The following GRIN2B variants were observed in gnomAD, a reference collection of about 807,000 sequenced individuals.
The protein encoded by GRIN2B is glutamate receptor ionotropic, NMDA 2B.
A neutral mutation model predicts 114.5 loss-of-function variants in GRIN2B; 5 were observed. That is an observed-to-expected ratio of 0.04 (90% CI 0.02 to 0.09). The LOEUF (loss-of-function observed/expected upper bound fraction) is 0.09. Among genes scored for constraint, GRIN2B ranks in the 10% least tolerant of loss-of-function variants. The pLI, the probability that GRIN2B is intolerant of heterozygous loss-of-function variation, is 1.00. For synonymous variants in GRIN2B, 787 were observed against 745.1 expected (o/e 1.06, Z -0.92); for missense variants, 1,108 against 1,943.5 (o/e 0.57, Z 8.08).
chr12:13,692,476 G>A lies in GRIN2B; in HGVS notation c.1011-16617C>T, dbSNP rs147285503. 4.6e-5 allele frequency among the ~76,000 whole-genome samples: 7 copies of A among 152,244 alleles called. 1 individual carries two copies. The Middle Eastern group carries it at 0.017, about 370-fold the overall frequency. On this transcript the variant is annotated intron_variant, in intron 4 of 13. Coordinates refer to ENST00000609686, the MANE Select transcript of GRIN2B (RefSeq NM_000834.5). ...CTGGCTGGGTGGGGCCCCTGTCTGTGTGGAGTTTGCACATTTTCCCCACAT... is the reference window on the plus strand; with the variant it reads ...CTGGCTGGGTGGGGCCCCTGTCTGTATGGAGTTTGCACATTTTCCCCACAT...
intron 3 of GRIN2B, among the ~76,000 whole-genome samples, chr12:13,856,423 T>C (rs936599023): frequency 6.6e-6 from 1 of 152,126 alleles, no homozygotes; most frequent in African/African-American, 2.4e-5. Context: ...AGCTTCCATG[T>C]GGCAGCACAG....
chr12:13,814,757 C>T (rs566532962), intron 3 of GRIN2B, among the ~76,000 whole-genome samples: 104 of 152,286 alleles, frequency 6.8e-4, no homozygotes, highest in Non-Finnish European at 1.3e-3. Flanking sequence ...GAAGCTCATA[C>T]TACTGAGAAT....
At chr12:13,710,106 G>C (rs1950399742) in intron 4 of GRIN2B, among the ~76,000 whole-genome samples, 1 of 151,956 alleles carries the variant, frequency 6.6e-6, no homozygotes, top group Non-Finnish European at 1.5e-5. Context: ...GCATACTGTT[G>C]ATAAATGCAA....
rs186675925 is a variant in GRIN2B at position 13,605,620 on chromosome 12, A to G, written c.2010+2983T>C. Among the ~76,000 whole-genome samples, 15 of 150,198 alleles carry G rather than the reference A, an allele frequency of 1.0e-4. No individual in the cohort carries two copies. The East Asian group carries it at 2.8e-3, about 28-fold the overall frequency. Reference sequence around the variant, plus strand: ...TCTATAAAACAAACTGATGGGATCCAACTTTTAGAACATAATGAACACGGT... The same window carrying G: ...TCTATAAAACAAACTGATGGGATCCGACTTTTAGAACATAATGAACACGGT... On this transcript the variant is annotated intron_variant, in intron 10 of 13. Coordinates refer to ENST00000609686, the MANE Select transcript of GRIN2B (RefSeq NM_000834.5).
intron 4 of GRIN2B, among the ~76,000 whole-genome samples, chr12:13,749,464 G>A (rs1863442470): frequency 6.6e-6 from 1 of 152,180 alleles, no homozygotes; most frequent in Non-Finnish European, 1.5e-5. Flanking sequence ...GCTGGGGCTG[G>A]GCCACTCCCA....
chr12:13,783,544 T>G (rs1159595964), intron 3 of GRIN2B, among the ~76,000 whole-genome samples: 1 of 152,086 alleles, frequency 6.6e-6, no homozygotes, highest in Non-Finnish European at 1.5e-5. Flanking sequence ...AGAGACATAT[T>G]TCAAAAGCTA....
At chr12:13,791,467 A>T (rs1340083602) in intron 3 of GRIN2B, among the ~76,000 whole-genome samples, 3 of 151,436 alleles carry the variant, frequency 2.0e-5, no homozygotes, top group African/African-American at 7.3e-5. Flanking sequence ...AAAAAATAAA[A>T]AAAAAAAATT....
chr12:13,572,007 GGAGA>G lies in GRIN2B; in HGVS notation c.2011-47_2011-44del, dbSNP rs370168771. 1.6e-4 allele frequency: 234 copies of G among 1,462,956 alleles called. 1 individual carries two copies. The South Asian group carries it at 2.5e-3, about 16-fold the overall frequency. The allele number at this position is 1,462,956 out of a possible 1,614,324, so 90.6% of individuals were successfully genotyped here. A position where few individuals can be genotyped will look rare whatever the true frequency, so the allele number is the denominator to read the frequency against. On this transcript the variant is annotated intron_variant, in intron 10 of 13. Coordinates refer to ENST00000609686, the MANE Select transcript of GRIN2B (RefSeq NM_000834.5). Reference sequence around the variant, plus strand: ...GATAGAGACAGAGCGGGAGATGGAGGGAGAGAGAGAGAGAAAAGTCATTTTAGAA... The same window carrying G: ...GATAGAGACAGAGCGGGAGATGGAGGGAGAGAGAGAAAAGTCATTTTAGAA...
chr12:13,740,561 C>G lies in GRIN2B; in HGVS notation c.1010+12756G>C, dbSNP rs1236415970. ...AAGGCTTAAACAAATCCAAATTTAT[C>G]TGACCTGTCAAAAATGAATAGTGGT... On this transcript the variant is annotated intron_variant, in intron 4 of 13. Transcript: ENST00000609686. Among the ~76,000 whole-genome samples the G allele has an allele frequency of 2.7e-5, 4 of 150,416 alleles. No individual in the cohort carries two copies. In the East Asian group the frequency reaches 7.9e-4, roughly 30 times the overall value.
chr12:13,775,844 C>G (rs146762649), intron 3 of GRIN2B, among the ~76,000 whole-genome samples: 59 of 152,212 alleles, frequency 3.9e-4, no homozygotes, highest in African/African-American at 1.4e-3. Flanking sequence ...TTTTCCCTCA[C>G]AAAAATAGTC....
intron 2 of GRIN2B, among the ~76,000 whole-genome samples, chr12:13,897,429 C>T (rs1266406706): frequency 6.6e-6 from 1 of 152,142 alleles, no homozygotes; most frequent in African/African-American, 2.4e-5. Flanking sequence ...TAAAGAGCAC[C>T]AGAAGAGCAT....
chr12:13,653,030 A>G (rs996375258), intron 5 of GRIN2B, among the ~76,000 whole-genome samples: 1 of 152,176 alleles, frequency 6.6e-6, no homozygotes, highest in Non-Finnish European at 1.5e-5. Flanking sequence ...ACACTGTGTG[A>G]AGGATAGATT....
chr12:13,603,637 C>CATT (rs1021541889), intron 10 of GRIN2B, among the ~76,000 whole-genome samples: 1 of 151,580 alleles, frequency 6.6e-6, no homozygotes, highest in African/African-American at 2.4e-5. Context: ...CAATGATAAT[C>CATT]ATTATTAGTA....
At chr12:13,918,213 T>C (rs995297523) in intron 2 of GRIN2B, among the ~76,000 whole-genome samples, 2 of 152,184 alleles carry the variant, frequency 1.3e-5, no homozygotes, top group Admixed American at 6.5e-5. Context: ...TAGTAATACC[T>C]CACAAGATTT....
At chr12:13,717,729 T>A (rs899770540) in intron 4 of GRIN2B, among the ~76,000 whole-genome samples, 2 of 151,974 alleles carry the variant, frequency 1.3e-5, no homozygotes, top group African/African-American at 2.4e-5. Flanking sequence ...TTCACTGTCA[T>A]AAAGCAAAAG....
intron 5 of GRIN2B, among the ~76,000 whole-genome samples, chr12:13,667,500 GACC>G (rs1332831935): frequency 6.6e-6 from 1 of 152,108 alleles, no homozygotes; most frequent in East Asian, 1.9e-4. Flanking sequence ...ATCACAGTTA[GACC>G]ACCAACTCTG....
intron 3 of GRIN2B, among the ~76,000 whole-genome samples, chr12:13,820,769 C>A (rs1216042279): frequency 6.6e-6 from 1 of 152,280 alleles, no homozygotes; most frequent in East Asian, 1.9e-4. Context: ...ATCCTTCCTC[C>A]TTTTCCCCAC....
In GRIN2B at chr12:13,753,733, C is replaced by T. The variant is rs1465080913; in HGVS notation, c.594G>A (p.Glu198=). 6.2e-7 allele frequency: 1 copy of T among 1,614,218 alleles called. No individual in the cohort carries two copies. ...STIENSFVGW[E]LEEVLLLDMS... ...TGTCCAGTAGGAGGACCTCCTCTAG[C>T]TCCCAGCCCACAAAGCTATTCTCAA... Residue 198 remains glutamate, a synonymous_variant, in exon 4 of 14, where the codon GAG becomes GAA. Coordinates refer to ENST00000609686, the MANE Select transcript of GRIN2B (RefSeq NM_000834.5). This position sits in a 1 kb window ranked among gnomAD's most constrained non-coding sequence, Gnocchi z 6.2.
At chr12:13,821,669 G>A (rs748630600) in intron 3 of GRIN2B, among the ~76,000 whole-genome samples, 27 of 152,152 alleles carry the variant, frequency 1.8e-4, no homozygotes, top group Admixed American at 2.6e-4. Context: ...TTGATCATTT[G>A]GTCATTTAGA....
Sources: allele counts gnomAD v4.1 joint callset (sites outside exome capture counted in the v4.1 genomes callset), GRCh38; gene constraint gnomAD v4.1.1; non-coding constraint Gnocchi (gnomAD v3.1); transcripts MANE v1.5; gene names NCBI Gene and HGNC (gene_info 2026-07-23, HGNC 2026-07-21).